The following RAD52 variants were observed in gnomAD, a reference collection of about 807,000 sequenced individuals.
RAD52 encodes the protein RAD52 DNA repair protein.
A neutral mutation model predicts 55.5 loss-of-function variants in RAD52; 47 were observed. The ratio of observed to expected loss-of-function variants is 0.85; its 90% CI spans 0.67 to 1.08. The LOEUF (loss-of-function observed/expected upper bound fraction) is 1.08, where lower values mean the gene tolerates loss of function less well. RAD52 is among the 50% of genes least tolerant of loss of function. RAD52 has a pLI of 0.00. For missense variants in RAD52, 468 were observed against 522.8 expected, an observed-to-expected ratio of 0.90 and a Z score of 1.02; for synonymous variants, 184 against 198.9, an observed-to-expected ratio of 0.92 and a Z score of 0.63.
intron 1 of RAD52, among the ~76,000 whole-genome samples, chr12:967,010 C>G (rs574953459): frequency 1.1e-4 from 17 of 152,080 alleles, no homozygotes; most frequent in South Asian, 2.1e-4. Flanking sequence ...AATGTGTTCA[C>G]TTCCTGCTTG....
In RAD52 at chr12:926,884, A is replaced by G. The variant is rs923092615; in HGVS notation, c.467+261T>C. On this transcript the variant is annotated intron_variant, in intron 6 of 11. Coordinates refer to ENST00000358495, the MANE Select transcript of RAD52 (RefSeq NM_134424.4). The stretch of plus-strand genomic sequence containing the variant: ...AGGAGTGGGAAGGCCTCCGGCACAC[A>G]TGACTGAGTGCACGGAGAAGAGAGA... 5 of 1,536,354 alleles carry G rather than the reference A, an allele frequency of 3.3e-6. No homozygotes were observed. The African/African-American group carries it at 4.1e-5, about 13-fold the overall frequency.
At chr12:986,548 A>C (rs1469178897) in intron 1 of RAD52, among the ~76,000 whole-genome samples, 1 of 151,924 alleles carries the variant, frequency 6.6e-6, no homozygotes, top group African/African-American at 2.4e-5. Flanking sequence ...ATTTTTTTGT[A>C]GAGACAGGGT....
At chr12:942,221 TAA>T (rs1285107931) in intron 1 of RAD52, among the ~76,000 whole-genome samples, 1 of 152,096 alleles carries the variant, frequency 6.6e-6, no homozygotes, top group Non-Finnish European at 1.5e-5. Flanking sequence ...CTACAGTAAT[TAA>T]AAGTGTGGTA....
rs113335624 is a variant in RAD52 at position 925,545 on chromosome 12, A to C, written c.468-20T>G. 1.1e-3 allele frequency: 1,678 copies of C among 1,569,888 alleles called. 6 individuals are homozygous for C. The Middle Eastern group carries it at 0.012, about 11-fold the overall frequency. ...AAACTCCTAAGGGCAAGAGAAAAAA[A>C]GGTGAAACAGGGTTAAGAATTGTTA... On this transcript the variant is annotated intron_variant, in intron 6 of 11. Coordinates refer to ENST00000358495, the MANE Select transcript of RAD52 (RefSeq NM_134424.4).
At chr12:971,262 T>A (rs7302551) in intron 1 of RAD52, among the ~76,000 whole-genome samples, 132,600 of 151,980 alleles carry the variant, frequency 0.87, 59,294 homozygotes, top group Non-Finnish European at 0.97. Flanking sequence ...TATAGGATAC[T>A]GAAAACATTG....
chr12:973,949 CTTAT>C (rs370581734), intron 1 of RAD52, among the ~76,000 whole-genome samples: 8 of 152,054 alleles, frequency 5.3e-5, no homozygotes, highest in African/African-American at 1.7e-4. Context: ...CCACACCTGG[CTTAT>C]TTATTTATTT....
chr12:956,418 G>A (rs1287686849), intron 1 of RAD52, among the ~76,000 whole-genome samples: 1 of 152,142 alleles, frequency 6.6e-6, no homozygotes. Flanking sequence ...AAATTGTATA[G>A]CTACTCCTGA....
upstream of RAD52, among the ~76,000 whole-genome samples, chr12:950,502 A>AGG (rs1958499660): frequency 6.7e-6 from 1 of 148,342 alleles, no homozygotes; most frequent in Non-Finnish European, 1.5e-5. Context: ...ACCCCGGGGG[A>AGG]CGGAGCCTGC....
At chr12:955,980 C>T (rs1218379575) in intron 1 of RAD52, among the ~76,000 whole-genome samples, 1 of 152,092 alleles carries the variant, frequency 6.6e-6, no homozygotes, top group African/African-American at 2.4e-5. Flanking sequence ...AGGGTTTCAC[C>T]ATGTTGGCTG....
chr12:920,375 T>C (rs1350477588), intron 7 of RAD52, among the ~76,000 whole-genome samples: 1 of 95,394 alleles, frequency 1.0e-5, no homozygotes. Flanking sequence ...GCTAACATGG[T>C]GAAACCCCGT....
At chr12:935,511 G>A (rs1200439116) in intron 1 of RAD52, among the ~76,000 whole-genome samples, 1 of 151,544 alleles carries the variant, frequency 6.6e-6, no homozygotes, top group East Asian at 2.0e-4. Context: ...CTCCTGAGTA[G>A]CTGAGATTAC....
chr12:924,907 C>T (rs1418374886), intron 7 of RAD52, among the ~76,000 whole-genome samples: 1 of 151,474 alleles, frequency 6.6e-6, no homozygotes, highest in African/African-American at 2.4e-5. Flanking sequence ...CCTACACGTA[C>T]ACAAATTCTC....
rs532025126 is a variant in RAD52 at position 916,503 on chromosome 12, C to T, written c.726-20G>A. On this transcript the variant is annotated intron_variant, in intron 8 of 11. Coordinates refer to ENST00000358495, the MANE Select transcript of RAD52 (RefSeq NM_134424.4). ...AGGCTTCTGCATGAGAGGGCGGCGG[C>T]GAGGACGGGCTCCTGAGCAACAGCC... The T allele has an allele frequency of 5.0e-6, 8 of 1,605,930 alleles. No individual in the cohort carries two copies. The highest frequency in any genetic ancestry group is 4.4e-5 in the South Asian group (4 of 90,834).
chr12:931,934 T>A (rs2154114594), intron 2 of RAD52, among the ~76,000 whole-genome samples: 1 of 152,336 alleles, frequency 6.6e-6, no homozygotes, highest in South Asian at 2.1e-4. Flanking sequence ...CCTGCTCAGA[T>A]GAGATGAATA....
At chr12:939,488 A>ATG (rs1957811615) in intron 1 of RAD52, among the ~76,000 whole-genome samples, 1 of 152,158 alleles carries the variant, frequency 6.6e-6, no homozygotes, top group East Asian at 1.9e-4. Flanking sequence ...ATCTTTCAGG[A>ATG]TGAAGTGTCA....
At chr12:978,765 G>T (rs551132860) in intron 1 of RAD52, among the ~76,000 whole-genome samples, 1 of 151,950 alleles carries the variant, frequency 6.6e-6, no homozygotes, top group Non-Finnish European at 1.5e-5. Flanking sequence ...CAAACTACTC[G>T]GGAGGCTGAG....
chr12:955,034 G>T (rs1420641174), intron 1 of RAD52, among the ~76,000 whole-genome samples: 1 of 152,172 alleles, frequency 6.6e-6, no homozygotes, highest in African/African-American at 2.4e-5. Context: ...GTGCTAGGCA[G>T]ACAAAACAAT....
chr12:933,095 G>GA lies in RAD52; in HGVS notation c.-18-20dup, dbSNP rs56170870. 0.015 allele frequency: 19,389 copies of GA among 1,302,646 alleles called. No individual in the cohort carries two copies. Among genetic ancestry groups the GA allele is most frequent in the South Asian group, 0.018 (1,222 of 66,448 alleles). The allele number at this position is 1,302,646 out of a possible 1,614,324, so 80.7% of individuals were successfully genotyped here. A position where few individuals can be genotyped will look rare whatever the true frequency, so the allele number is the denominator to read the frequency against. ...TTGACCTCTATATAAATAAAAAGCG[G>GA]AAAAAAAAAACAACCCTCAAAGAAT... On this transcript the variant is annotated intron_variant, in intron 1 of 11. Coordinates refer to ENST00000358495, the MANE Select transcript of RAD52 (RefSeq NM_134424.4).
chr12:968,594 C>T (rs1488044664), intron 1 of RAD52, among the ~76,000 whole-genome samples: 1 of 152,078 alleles, frequency 6.6e-6, no homozygotes. Flanking sequence ...TTCATTCCTG[C>T]CTGAGTAGTG....
Sources: gnomAD v4.1 joint callset for allele counts (sites outside exome capture counted in the v4.1 genomes callset) on GRCh38, gnomAD v4.1.1 for gene constraint, MANE v1.5 for transcripts, NCBI Gene and HGNC (gene_info 2026-07-23, HGNC 2026-07-21) for gene names.